SORCS3: variants seen among roughly 807,000 people sequenced by gnomAD.
The protein encoded by SORCS3 is sortilin related VPS10 domain containing receptor 3.
Under a neutral mutation model 146.3 loss-of-function variants are expected in SORCS3, and 57 were observed. The ratio of observed to expected loss-of-function variants is 0.39; its 90% CI spans 0.31 to 0.49. The LOEUF is 0.49. Ranked by LOEUF, SORCS3 falls within the 20% of genes least tolerant of loss-of-function variation. The pLI is 0.92. For missense variants in SORCS3, 1,341 were observed against 1,575.5 expected, an observed-to-expected ratio of 0.85 and a Z score of 2.52; for synonymous variants, 653 against 618.5, an observed-to-expected ratio of 1.06 and a Z score of -0.83.
chr10:105,242,657 C>G (rs367988174), intron 20 of SORCS3, among the ~76,000 whole-genome samples: 3 of 65,612 alleles, frequency 4.6e-5, no homozygotes, highest in African/African-American at 1.7e-4. Context: ...TATTTATATA[C>G]ATTTATATAT....
chr10:104,752,847 T>C (rs1215001674), intron 1 of SORCS3, among the ~76,000 whole-genome samples: 1 of 152,206 alleles, frequency 6.6e-6, no homozygotes, highest in East Asian at 1.9e-4. Flanking sequence ...ATTTTCTATA[T>C]ATCCTAAATG....
chr10:105,255,438 G>A (rs1170739924), intron 23 of SORCS3, among the ~76,000 whole-genome samples: 13 of 152,016 alleles, frequency 8.6e-5, no homozygotes, highest in Non-Finnish European at 1.5e-4. Flanking sequence ...TAACCTGTAC[G>A]TTGTGCACAT....
At chr10:104,991,721 G>A (rs1182668472) in intron 4 of SORCS3, among the ~76,000 whole-genome samples, 2 of 152,010 alleles carry the variant, frequency 1.3e-5, no homozygotes, top group African/African-American at 2.4e-5. Context: ...GGCTGGTCTC[G>A]AACTCCTGAC....
At chr10:105,178,466 C>A (rs540578114) in intron 14 of SORCS3, among the ~76,000 whole-genome samples, 2 of 152,164 alleles carry the variant, frequency 1.3e-5, no homozygotes, top group African/African-American at 4.8e-5. Context: ...AAACTTATGT[C>A]GTTAGATGGT....
At chr10:104,830,990 T>A (rs1230699064) in intron 1 of SORCS3, among the ~76,000 whole-genome samples, 2 of 151,868 alleles carry the variant, frequency 1.3e-5, no homozygotes, top group African/African-American at 4.8e-5. Flanking sequence ...TTTTTTTAAT[T>A]ATTATTATTT....
chr10:104,802,292 A>G (rs923407809), intron 1 of SORCS3, among the ~76,000 whole-genome samples: 2 of 152,252 alleles, frequency 1.3e-5, no homozygotes, highest in Non-Finnish European at 2.9e-5. Flanking sequence ...ATGAGAAAAT[A>G]GCAAGAAAGA....
At chr10:104,775,340 C>G (rs974992574) in intron 1 of SORCS3, among the ~76,000 whole-genome samples, 1 of 152,170 alleles carries the variant, frequency 6.6e-6, no homozygotes, top group Non-Finnish European at 1.5e-5. Flanking sequence ...CAAGTAAGTG[C>G]TCAGTAAGTG....
At position 105,097,221 on chromosome 10, in the gene SORCS3, C is replaced by T. The variant is rs538802404; in HGVS notation, c.1093+7382C>T. On this transcript the variant is annotated intron_variant, in intron 6 of 26. Transcript: ENST00000369701. ...CCTCTGGCCTACTCCTAGTCTCCCT[C>T]TATAGGAGACAGACTTCCTGAATTA... Among the ~76,000 whole-genome samples, 10 of 152,288 alleles carry T rather than the reference C, an allele frequency of 6.6e-5. No homozygotes were observed. In the East Asian group the frequency reaches 1.5e-3, roughly 24 times the overall value.
chr10:105,198,842 C>G (rs1461846812), intron 14 of SORCS3, among the ~76,000 whole-genome samples: 1 of 152,154 alleles, frequency 6.6e-6, no homozygotes, highest in Non-Finnish European at 1.5e-5. Context: ...TAACTTTTAT[C>G]TGAAGCACAT....
rs2054905619 is a variant in SORCS3 at position 104,977,361 on chromosome 10, G to A, written c.822G>A (p.Met274Ile). Residue 274 changes from methionine to isoleucine, a missense_variant, in exon 4 of 27, where the codon ATG becomes ATA. Physicochemically the swap from Met to Ile is conservative, Grantham distance 10. Coordinates refer to ENST00000369701, the MANE Select transcript of SORCS3 (RefSeq NM_014978.3). ...TTATGCTTCTCAGTGATCCTGAGAT[G>A]GAGAGCAGCATATTGATCAGCTCAG... ...RKIMLLSDPE[M>I]ESSILISSDE... 1.9e-6 allele frequency: 3 copies of A among 1,613,188 alleles called. No homozygotes were observed. The highest frequency in any genetic ancestry group is 2.5e-6 in the Non-Finnish European group (3 of 1,179,576).
chr10:104,685,177 A>T (rs1400238389), intron 1 of SORCS3, among the ~76,000 whole-genome samples: 1 of 152,194 alleles, frequency 6.6e-6, no homozygotes, highest in Non-Finnish European at 1.5e-5. Context: ...AAATAAATAG[A>T]TAGCAGACAT....
At chr10:104,854,298 G>A (rs1224034001) in intron 2 of SORCS3, among the ~76,000 whole-genome samples, 1 of 152,090 alleles carries the variant, frequency 6.6e-6, no homozygotes, top group African/African-American at 2.4e-5. Context: ...AATGCTCTTA[G>A]TCATTCACAA....
intron 1 of SORCS3, among the ~76,000 whole-genome samples, chr10:104,786,243 A>G (rs1318818764): frequency 6.6e-6 from 1 of 151,350 alleles, no homozygotes; most frequent in Non-Finnish European, 1.5e-5. Context: ...ATGATAAACT[A>G]TATAGGAATT....
chr10:104,849,404 T>C (rs2018245250), intron 2 of SORCS3, among the ~76,000 whole-genome samples: 1 of 89,022 alleles, frequency 1.1e-5, no homozygotes, highest in African/African-American at 5.1e-5. Context: ...AGAGCGAGAC[T>C]CCATCTCAAA....
intron 1 of SORCS3, among the ~76,000 whole-genome samples, chr10:104,682,517 T>G (rs952663869): frequency 1.3e-5 from 2 of 152,234 alleles, no homozygotes; most frequent in Non-Finnish European, 2.9e-5. Flanking sequence ...GCTTTTATTT[T>G]TAAAAGTACT....
At chr10:105,214,694 C>A in intron 18 of SORCS3, 81 bp downstream of exon 18, 1 of 1,320,764 alleles carries the variant, frequency 7.6e-7, no homozygotes, top group Non-Finnish European at 1.0e-6. Flanking sequence ...CTTACATTCC[C>A]ACAGACCCCT....
At chr10:104,647,146 G>A (rs1039799383) in intron 1 of SORCS3, among the ~76,000 whole-genome samples, 13 of 152,076 alleles carry the variant, frequency 8.5e-5, no homozygotes, top group Admixed American at 5.9e-4. Context: ...GAGGAACTTC[G>A]GTTTCTTAAA....
chr10:104,981,922 T>A (rs2054933868), intron 4 of SORCS3, among the ~76,000 whole-genome samples: 1 of 152,208 alleles, frequency 6.6e-6, no homozygotes, highest in African/African-American at 2.4e-5. Context: ...CTCAATGGGA[T>A]TGCAGACTCC....
At chr10:104,913,749 A>C (rs1041633576) in intron 2 of SORCS3, among the ~76,000 whole-genome samples, 1 of 148,288 alleles carries the variant, frequency 6.7e-6, no homozygotes, top group Non-Finnish European at 1.5e-5. Context: ...GCCTCATGAG[A>C]CTAAATTATC....
Sources: gnomAD v4.1 joint callset for allele counts (sites outside exome capture counted in the v4.1 genomes callset) on GRCh38, gnomAD v4.1.1 for gene constraint, MANE v1.5 for transcripts, NCBI Gene and HGNC (gene_info 2026-07-23, HGNC 2026-07-21) for gene names.